Variants in COP1 observed in about 807,000 individuals in gnomAD.
COP1 encodes the protein E3 ubiquitin-protein ligase COP1.
COP1 carries 24 observed loss-of-function variants against 101.3 expected under a neutral mutation model. That is an observed-to-expected ratio of 0.24 (90% CI 0.17 to 0.33). The LOEUF is 0.33. Among genes scored for constraint, COP1 ranks in the 10% least tolerant of loss-of-function variants. The pLI is 1.00. For missense variants in COP1, 663 were observed against 906.2 expected (o/e 0.73, Z 3.45); for synonymous variants, 347 against 341.9 (o/e 1.01, Z -0.17).
At chr1:176,113,953 T>TC (rs951709758) in intron 9 of COP1, among the ~76,000 whole-genome samples, 25 of 151,512 alleles carry the variant, frequency 1.7e-4, no homozygotes, top group Admixed American at 7.2e-4. Flanking sequence ...GGGTTTTTTT[T>TC]TTTTTTTATA....
intron 9 of COP1, among the ~76,000 whole-genome samples, chr1:176,113,888 G>A (rs1321625618): frequency 1.3e-5 from 2 of 151,784 alleles, no homozygotes; most frequent in East Asian, 3.9e-4. Context: ...AGACTACAGG[G>A]AGGCTAAAGT....
At chr1:175,994,267 C>A (rs956421362) in intron 15 of COP1, among the ~76,000 whole-genome samples, 1 of 152,160 alleles carries the variant, frequency 6.6e-6, no homozygotes. Context: ...AAAGGAACAA[C>A]CCATACCAGC....
At chr1:176,080,972 T>C (rs1369187495) in intron 11 of COP1, among the ~76,000 whole-genome samples, 180 bp downstream of exon 11, 1 of 152,128 alleles carries the variant, frequency 6.6e-6, no homozygotes, top group Non-Finnish European at 1.5e-5. Flanking sequence ...ATTATTCCAC[T>C]TTAGAGACGA....
chr1:176,180,913 G>C (rs905280544), intron 2 of COP1, among the ~76,000 whole-genome samples: 1 of 152,192 alleles, frequency 6.6e-6, no homozygotes, highest in African/African-American at 2.4e-5. Flanking sequence ...CACATGCTGG[G>C]AGATGACGAT....
chr1:176,206,305 T>G, intron 1 of COP1: 2 of 471,352 alleles, frequency 4.2e-6, no homozygotes, highest in East Asian at 7.9e-5. Context: ...TCCCTCGTCA[T>G]TCGTTAAACT....
At chr1:176,059,161 C>A (rs1039323376) in intron 11 of COP1, among the ~76,000 whole-genome samples, 1 of 152,194 alleles carries the variant, frequency 6.6e-6, no homozygotes, top group Non-Finnish European at 1.5e-5. Context: ...CCTAATTGAG[C>A]AACCAGACTT....
At chr1:176,075,176 C>G (rs1017334972) in intron 11 of COP1, among the ~76,000 whole-genome samples, 1 of 152,184 alleles carries the variant, frequency 6.6e-6, no homozygotes, top group Non-Finnish European at 1.5e-5. Context: ...TAATAAAATG[C>G]ACCCCATAAT....
At position 176,170,609 on chromosome 1, in the gene COP1, G is replaced by C. The variant is rs370996928; in HGVS notation, c.565+5301C>G. ...AAATCACGCTGAAAAGAGATATGCT[G>C]TCTTCAGGCTTTGTTGTTCTATTTG... On this transcript the variant is annotated intron_variant, in intron 3 of 19. Coordinates refer to ENST00000367669, the MANE Select transcript of COP1 (RefSeq NM_022457.7). 5.6e-4 allele frequency among the ~76,000 whole-genome samples: 86 copies of C among 152,258 alleles called. No individual in the cohort carries two copies. The South Asian group carries it at 0.017, about 31-fold the overall frequency.
chr1:176,175,952 A>G lies in COP1; in HGVS notation c.523T>C (p.Tyr175His), dbSNP rs1696871721. ...EDNNRCPKCN[Y>H]VVDNIDHLYP... Reference sequence around the variant, plus strand: ...AGATGGTCAATATTGTCCACAACATAGTTACACTTGGGACATCTATTATTG... The same window carrying G: ...AGATGGTCAATATTGTCCACAACATGGTTACACTTGGGACATCTATTATTG... The change falls in exon 3 of 20, where the codon TAT becomes CAT. Residue 175 changes from tyrosine to histidine, a missense_variant. By Grantham distance (83) the Tyr-to-His change is moderately conservative. This residue lies in a region of COP1 where 38 missense variants were observed against 78.5 expected (regional missense o/e 0.48). Transcript: ENST00000367669. 1.3e-6 allele frequency: 2 copies of G among 1,590,626 alleles called. No homozygotes were observed. The highest frequency in any genetic ancestry group is 8.6e-7 in the Non-Finnish European group (1 of 1,160,754).
chr1:176,155,966 G>A lies in COP1; in HGVS notation c.763-6892C>T, dbSNP rs145155395. Among the ~76,000 whole-genome samples the A allele has an allele frequency of 5.9e-3, 900 of 152,034 alleles. 2 individuals carry two copies. The highest frequency in any genetic ancestry group is 9.8e-3 in the Non-Finnish European group (667 of 67,932). On this transcript the variant is annotated intron_variant, in intron 5 of 19. Coordinates refer to ENST00000367669, the MANE Select transcript of COP1 (RefSeq NM_022457.7). ...AAAGGGAAATCAGCCAGATGGATGC[G>A]AGAAAAAATGAAGAGCATCTGAAAA...
intron 1 of COP1, among the ~76,000 whole-genome samples, chr1:176,195,287 CAATTCACCAACGCTA>C (rs1296994252): frequency 6.6e-6 from 1 of 152,102 alleles, no homozygotes; most frequent in Non-Finnish European, 1.5e-5. Context: ...ATAAGGAGAT[CAATTCACCAACGCTA>C]AATCTGTGTA....
chr1:175,988,334 T>C lies in COP1; in HGVS notation c.1926A>G (p.Glu642=), dbSNP rs773975299. ...CLRSFKGHIN[E]KNFVGLASNG... is the part of the protein sequence containing the mutation. The stretch of plus-strand genomic sequence containing the variant: ...TGGAAGCCAGGCCTACAAAGTTTTT[T>C]TCATTGATATGACCCTTGAAGGAAC... Residue 642 remains glutamate, a synonymous_variant, in exon 17 of 20, where the codon GAA becomes GAG. Coordinates refer to ENST00000367669, the MANE Select transcript of COP1 (RefSeq NM_022457.7). 3 of 1,612,790 alleles carry C rather than the reference T, an allele frequency of 1.9e-6. No individual in the cohort carries two copies. The highest frequency in any genetic ancestry group is 1.7e-5 in the Admixed American group (1 of 60,008).
intron 2 of COP1, among the ~76,000 whole-genome samples, chr1:176,178,123 A>C (rs1270138278): frequency 6.6e-6 from 1 of 152,194 alleles, no homozygotes; most frequent in Non-Finnish European, 1.5e-5. Context: ...TCACTGAAGG[A>C]AATAACATAC....
intron 8 of COP1, among the ~76,000 whole-genome samples, chr1:176,127,569 G>GTGTA (rs768727730): frequency 8.6e-6 from 1 of 116,332 alleles, no homozygotes; most frequent in Non-Finnish European, 1.9e-5. Flanking sequence ...TACTGTGTGT[G>GTGTA]TGTGTGTGTG....
At position 175,985,168 on chromosome 1, in the gene COP1, A is replaced by G. The variant is rs556740908; in HGVS notation, c.2133+1775T>C. ...TTCCAGTTCTCAGTTAAAATTTTCA[A>G]TCTTGTCTTTCATCTTGTAAGCATA... On this transcript the variant is annotated intron_variant, in intron 18 of 19. Coordinates refer to ENST00000367669, the MANE Select transcript of COP1 (RefSeq NM_022457.7). 2.5e-3 allele frequency among the ~76,000 whole-genome samples: 383 copies of G among 152,270 alleles called. 2 individuals are homozygous for G. The highest frequency in any genetic ancestry group is 9.0e-3 in the African/African-American group (373 of 41,564).
chr1:175,961,909 G>T (rs558451616), intron 18 of COP1, among the ~76,000 whole-genome samples: 8 of 145,388 alleles, frequency 5.5e-5, no homozygotes, highest in Non-Finnish European at 9.1e-5. Context: ...GAATAAATTT[G>T]AAAAAAAAAA....
intron 15 of COP1, among the ~76,000 whole-genome samples, chr1:176,022,818 T>C (rs1666985566): frequency 6.6e-6 from 1 of 152,224 alleles, no homozygotes; most frequent in African/African-American, 2.4e-5. Context: ...TTACAACCTA[T>C]GCAAGATACA....
chr1:176,129,873 G>A (rs569120230), intron 8 of COP1, among the ~76,000 whole-genome samples: 3 of 151,776 alleles, frequency 2.0e-5, no homozygotes, highest in Non-Finnish European at 3.0e-5. Context: ...AAAATCTAAC[G>A]AATAGTATGC....
intron 1 of COP1, among the ~76,000 whole-genome samples, chr1:176,185,234 A>G (rs1238254046): frequency 6.6e-6 from 1 of 152,200 alleles, no homozygotes; most frequent in East Asian, 1.9e-4. Flanking sequence ...ATATTGACTC[A>G]TTTAATAGTT....
Sources: allele counts gnomAD v4.1 joint callset (sites outside exome capture counted in the v4.1 genomes callset), GRCh38; gene constraint gnomAD v4.1.1; regional missense constraint gnomAD v4.1.1; transcripts MANE v1.5; gene names NCBI Gene and HGNC (gene_info 2026-07-23, HGNC 2026-07-21).